Variants in SFTPA1 observed in about 807,000 individuals in gnomAD.
SFTPA1 encodes the protein surfactant protein A1, also known as pulmonary surfactant-associated protein A1.
In SFTPA1, 13 loss-of-function variants were observed where a neutral mutation model predicts 19.1. That is an observed-to-expected ratio of 0.68 (90% CI 0.44 to 1.08). SFTPA1 has a LOEUF of 1.08. Ranked by LOEUF, SFTPA1 falls within the 50% of genes least tolerant of loss-of-function variation. The probability of loss-of-function intolerance (pLI) is 0.00; values close to 1 mark genes in which losing one functional copy is unlikely to be tolerated. For missense variants in SFTPA1, 259 were observed against 316.4 expected (o/e 0.82, Z 1.38); for synonymous variants, 101 against 117.0 (o/e 0.86, Z 0.88).
chr10:79,614,235 G>A lies in SFTPA1; in HGVS notation c.*122G>A, dbSNP rs1475519753. ...AACAGAATTCACTTGTGGCTATTGG[G>A]ACTGGAGGCACCCTTAGCCACTTCA... On this transcript the variant is annotated 3_prime_UTR_variant, in exon 6 of 6. Transcript: ENST00000398636. 66 of 1,530,624 alleles carry A rather than the reference G, an allele frequency of 4.3e-5. No homozygotes were observed. The South Asian group carries it at 5.3e-4, about 12-fold the overall frequency. The allele number at this position is 1,530,624 out of a possible 1,614,324, so 94.8% of individuals were successfully genotyped here. A position where few individuals can be genotyped will look rare whatever the true frequency, so the allele number is the denominator to read the frequency against.
At position 79,614,341 on chromosome 10, in the gene SFTPA1, C is replaced by A. The variant is rs1221559774; in HGVS notation, c.*228C>A. On this transcript the variant is annotated 3_prime_UTR_variant, in exon 6 of 6. Coordinates refer to ENST00000398636, the MANE Select transcript of SFTPA1 (RefSeq NM_005411.5). ...CCTTGCAAACTCTCCCAGCACTGCA[C>A]CCCAGGCAGCCACTCTTAGCCTTGG... The A allele has an allele frequency of 8.9e-6, 6 of 672,680 alleles. No individual in the cohort carries two copies. In the South Asian group the frequency reaches 9.8e-5, roughly 11 times the overall value. 41.7% of individuals were successfully genotyped at this position (672,680 alleles called of 1,614,324 possible).
intron 2 of SFTPA1, 160 bp from the exon 3 acceptor site, chr10:79,611,643 T>C (rs1170377822): frequency 1.3e-6 from 2 of 1,555,230 alleles, no homozygotes; most frequent in African/African-American, 1.4e-5. Flanking sequence ...AGGTGCCAGG[T>C]GATGCTGGGA....
intron 4 of SFTPA1, 77 bp downstream of exon 4, chr10:79,612,508 G>T: frequency 6.3e-7 from 1 of 1,596,682 alleles, no homozygotes; most frequent in South Asian, 1.1e-5. Flanking sequence ...GGATGATGGG[G>T]ATCAGACAAA....
At chr10:79,611,743 G>C in intron 2 of SFTPA1, 60 bp from the exon 3 acceptor site, 1 of 1,612,388 alleles carries the variant, frequency 6.2e-7, no homozygotes, top group Non-Finnish European at 8.5e-7. Context: ...TCCTGACAGA[G>C]CACAGTGGGG....
chr10:79,612,475 CG>C lies in SFTPA1; in HGVS notation c.292+45del, dbSNP rs4253514. ...GTGGGCAGTGGAAACATGGGCACAG[CG>C]ACCCTGAAGTCAGTTACACGGGGAT... On this transcript the variant is annotated intron_variant, in intron 4 of 5. Transcript: ENST00000398636. The C allele has an allele frequency of 0.21, 332,730 of 1,608,504 alleles. 37,694 individuals are homozygous for C. Among genetic ancestry groups the C allele is most frequent in the East Asian group, 0.46 (20,398 of 44,550 alleles).
chr10:79,615,236 A>C lies in SFTPA1; in HGVS notation c.*1123A>C. ...TTATGTACTATTCAATCTTTACACA[A>C]TGTCACGGGACCAGTATTGTTTCCT... On this transcript the variant is annotated 3_prime_UTR_variant, in exon 6 of 6. Coordinates refer to ENST00000398636, the MANE Select transcript of SFTPA1 (RefSeq NM_005411.5). The C allele has an allele frequency of 2.3e-6, 1 of 425,788 alleles. No individual in the cohort carries two copies. The highest frequency in any genetic ancestry group is 4.1e-6 in the Non-Finnish European group (1 of 245,800). 26.4% of individuals were successfully genotyped at this position (425,788 alleles called of 1,614,324 possible).
rs944151046 is a variant in SFTPA1 at position 79,614,024 on chromosome 10, G to C, written c.658G>C (p.Gly220Arg). The C allele has an allele frequency of 1.8e-5, 29 of 1,614,112 alleles. No homozygotes were observed. Among genetic ancestry groups the C allele is most frequent in the African/African-American group, 4.0e-5 (3 of 74,946 alleles). ...NWYRGEPAGR[G>R]KEQCVEMYTD... ...GTACCGAGGGGAGCCCGCAGGTCGG[G>C]GAAAAGAGCAGTGTGTGGAGATGTA... The change falls in exon 6 of 6, where the codon GGA becomes CGA. Residue 220 changes from glycine (G) to arginine (R), a missense_variant. Transcript: ENST00000398636.
chr10:79,614,011 G>A lies in SFTPA1; in HGVS notation c.645G>A (p.Glu215=). Residue 215 remains glutamate, a synonymous_variant, in exon 6 of 6, where the codon GAG becomes GAA. Coordinates refer to ENST00000398636, the MANE Select transcript of SFTPA1 (RefSeq NM_005411.5). The part of the protein sequence containing the change: ...PVNYTNWYRG[E]PAGRGKEQCV... The stretch of plus-strand genomic sequence containing the variant: ...ACTACACCAACTGGTACCGAGGGGA[G>A]CCCGCAGGTCGGGGAAAAGAGCAGT... The A allele has an allele frequency of 6.2e-7, 1 of 1,614,252 alleles. No homozygotes were observed. The highest frequency in any genetic ancestry group is 2.2e-5 in the East Asian group (1 of 44,882).
chr10:79,614,402 T>C lies in SFTPA1; in HGVS notation c.*289T>C, dbSNP rs1350871068. 3.9e-6 allele frequency: 2 copies of C among 513,908 alleles called. No individual in the cohort carries two copies. Among genetic ancestry groups the C allele is most frequent in the East Asian group, 3.5e-5 (1 of 28,782 alleles). The allele number at this position is 513,908 out of a possible 1,614,324, so 31.8% of individuals were successfully genotyped here. ...GAGATGGAGCCCTCCTTATTCCCCATCTGGTCCAGTTCCTTCACTTACAGA... is the reference window on the plus strand; with the variant it reads ...GAGATGGAGCCCTCCTTATTCCCCACCTGGTCCAGTTCCTTCACTTACAGA... On this transcript the variant is annotated 3_prime_UTR_variant, in exon 6 of 6. Coordinates refer to ENST00000398636, the MANE Select transcript of SFTPA1 (RefSeq NM_005411.5).
Position 79,612,345 on chromosome 10 carries a change from C to A in SFTPA1, c.206C>A (p.Pro69His). 1.2e-6 allele frequency: 2 copies of A among 1,613,862 alleles called. No individual in the cohort carries two copies. Among genetic ancestry groups the A allele is most frequent in the Non-Finnish European group, 1.7e-6 (2 of 1,179,854 alleles). ...GGTCCACCTGGAGAAATGCCATGTC[C>A]TCCTGGAAATGATGGGCTGCCTGGA... Reference protein sequence around the residue: ...PMGPPGEMPCPPGNDGLPGAP... With the variant: ...PMGPPGEMPCHPGNDGLPGAP... Residue 69 changes from proline to histidine, a missense_variant, in exon 4 of 6, where the codon CCT becomes CAT. Transcript: ENST00000398636.
rs982267913 is a variant in SFTPA1, at chr10:79,611,805, G to A, written c.-21G>A. On this transcript the variant is annotated splice_region_variant and 5_prime_UTR_variant, in exon 3 of 6. Transcript: ENST00000398636. ...GCTCACGGCCATCCCTCCTGCAGGA[G>A]CAGCGACTGGACCCAGAGCCATGTG... 3.1e-6 allele frequency: 5 copies of A among 1,614,046 alleles called. No individual in the cohort carries two copies. Among genetic ancestry groups the A allele is most frequent in the Middle Eastern group, 1.7e-4 (1 of 6,052 alleles).
chr10:79,612,067 G>A (rs1859882170), intron 3 of SFTPA1, 70 bp downstream of exon 3: 1 of 1,591,850 alleles, frequency 6.3e-7, no homozygotes, highest in Non-Finnish European at 8.6e-7. Context: ...ATCTGTCCAG[G>A]CCCCTAGGCT....
chr10:79,613,044 G>A, intron 4 of SFTPA1, 145 bp from the exon 5 acceptor site: 1 of 1,530,992 alleles, frequency 6.5e-7, no homozygotes, highest in Admixed American at 2.2e-5. Context: ...GAATCTTGTG[G>A]ACCCTCTGAG....
In SFTPA1 at chr10:79,614,484, C is replaced by T; in HGVS notation, c.*371C>T. The T allele has an allele frequency of 3.9e-6, 1 of 258,592 alleles. No individual in the cohort carries two copies. The highest frequency in any genetic ancestry group is 3.8e-5 in the South Asian group (1 of 26,490). 16.0% of individuals were successfully genotyped at this position (258,592 alleles called of 1,614,324 possible). ...CCTCCAAAGTCACACAAAGTGCCTGCCTCCTGGTCCCCTCAGCTCTCTCTC... is the reference window on the plus strand; with the variant it reads ...CCTCCAAAGTCACACAAAGTGCCTGTCTCCTGGTCCCCTCAGCTCTCTCTC... On this transcript the variant is annotated 3_prime_UTR_variant, in exon 6 of 6. Coordinates refer to ENST00000398636, the MANE Select transcript of SFTPA1 (RefSeq NM_005411.5).
intron 4 of SFTPA1, 136 bp downstream of exon 4, chr10:79,612,567 T>C: frequency 7.1e-7 from 1 of 1,402,644 alleles, no homozygotes; most frequent in Non-Finnish European, 9.8e-7. Context: ...TAAGAGAGGA[T>C]AAGCTTGAGG....
rs928495154 is a variant in SFTPA1 at position 79,614,495 on chromosome 10, C to T, written c.*382C>T. Reference sequence around the variant, plus strand: ...ACACAAAGTGCCTGCCTCCTGGTCCCCTCAGCTCTCTCTCTGCAACCCAGT... The same window carrying T: ...ACACAAAGTGCCTGCCTCCTGGTCCTCTCAGCTCTCTCTCTGCAACCCAGT... On this transcript the variant is annotated 3_prime_UTR_variant, in exon 6 of 6. Coordinates refer to ENST00000398636, the MANE Select transcript of SFTPA1 (RefSeq NM_005411.5). 5 of 227,610 alleles carry T rather than the reference C, an allele frequency of 2.2e-5. 1 individual carries two copies. Among genetic ancestry groups the T allele is most frequent in the Non-Finnish European group, 4.7e-5 (5 of 107,490 alleles). The allele number at this position is 227,610 out of a possible 1,614,324, so 14.1% of individuals were successfully genotyped here.
intron 1 of SFTPA1, 44 bp from the exon 2 acceptor site, chr10:79,611,274 AG>A (rs1429114791): frequency 6.8e-6 from 2 of 295,556 alleles, no homozygotes; most frequent in Admixed American, 9.4e-5. Context: ...GACCACCTTG[AG>A]GGGGGCCAGG....
In SFTPA1 at chr10:79,612,956, G is replaced by T. The variant is rs4253521; in HGVS notation, c.293-233G>T. On this transcript the variant is annotated intron_variant, in intron 4 of 5. Coordinates refer to ENST00000398636, the MANE Select transcript of SFTPA1 (RefSeq NM_005411.5). ...ACCCCTCGAGGGACAGAGCAGGAAAGAGGACAAGGGGTGGGGGTCTCAGCA... is the reference window on the plus strand; with the variant it reads ...ACCCCTCGAGGGACAGAGCAGGAAATAGGACAAGGGGTGGGGGTCTCAGCA... 0.84 allele frequency among the ~76,000 whole-genome samples: 126,142 copies of T among 149,640 alleles called. 53,238 individuals carry two copies. The highest frequency in any genetic ancestry group is 0.96 in the East Asian group (4,882 of 5,074).
intron 5 of SFTPA1, 40 bp from the exon 6 acceptor site, chr10:79,613,697 A>G (rs557577453): frequency 6.2e-7 from 1 of 1,613,918 alleles, no homozygotes; most frequent in Non-Finnish European, 8.5e-7. Flanking sequence ...GCTTAGAGAC[A>G]AAGTGGTCAG....
Sources: allele counts gnomAD v4.1 joint callset (sites outside exome capture counted in the v4.1 genomes callset), GRCh38; gene constraint gnomAD v4.1.1; transcripts MANE v1.5; gene names NCBI Gene and HGNC (gene_info 2026-07-23, HGNC 2026-07-21).